The following MALRD1 variants were observed in gnomAD, a reference collection of about 807,000 sequenced individuals.
MALRD1 encodes MAM and LDL receptor class A domain containing 1.
A neutral mutation model predicts 242.1 loss-of-function variants in MALRD1; 247 were observed. The observed-to-expected ratio is 1.02, with a 90% CI of 0.92 to 1.13. MALRD1 has a LOEUF of 1.13. Ranked by LOEUF, MALRD1 falls within the 50% of genes most tolerant of loss-of-function variation. The pLI, the probability that MALRD1 is intolerant of heterozygous loss-of-function variation, is 0.00. For missense variants in MALRD1, 2,989 were observed against 2,533.1 expected (o/e 1.18, Z -3.86); for synonymous variants, 995 against 866.6 (o/e 1.15, Z -2.60).
intron 26 of MALRD1, among the ~76,000 whole-genome samples, chr10:19,364,049 G>A (rs916461408): frequency 1.3e-5 from 2 of 151,860 alleles, no homozygotes; most frequent in African/African-American, 2.4e-5. Context: ...ATTGTGAAGG[G>A]GCCAAAAAAG....
At chr10:19,143,254 CTTCT>C (rs1252023876) in intron 10 of MALRD1, among the ~76,000 whole-genome samples, 1 of 152,158 alleles carries the variant, frequency 6.6e-6, no homozygotes, top group Non-Finnish European at 1.5e-5. Flanking sequence ...ATCTTGAGAG[CTTCT>C]TTCTTTATGT....
chr10:19,542,783 A>G (rs1400700851), intron 32 of MALRD1, among the ~76,000 whole-genome samples: 1 of 152,176 alleles, frequency 6.6e-6, no homozygotes, highest in Non-Finnish European at 1.5e-5. Context: ...TAATTTGTCC[A>G]TGTAGGAAAA....
At chr10:19,527,353 A>G (rs767433476) in intron 31 of MALRD1, among the ~76,000 whole-genome samples, 16 of 152,306 alleles carry the variant, frequency 1.1e-4, no homozygotes, top group Non-Finnish European at 1.5e-4. Flanking sequence ...GAAAAGAAAT[A>G]TCTGAATTAG....
At chr10:19,252,960 G>A (rs1003950026) in intron 18 of MALRD1, among the ~76,000 whole-genome samples, 1 of 151,964 alleles carries the variant, frequency 6.6e-6, no homozygotes, top group African/African-American at 2.4e-5. Flanking sequence ...GGCCTAAAAA[G>A]TTTGGAATTC....
At chr10:19,713,710 G>A (rs1176501975) in intron 38 of MALRD1, among the ~76,000 whole-genome samples, 1 of 152,134 alleles carries the variant, frequency 6.6e-6, no homozygotes, top group African/African-American at 2.4e-5. Context: ...CAATCTAGTT[G>A]GAAAAATATT....
chr10:19,583,102 A>C (rs1837212737), intron 33 of MALRD1, among the ~76,000 whole-genome samples: 4 of 99,094 alleles, frequency 4.0e-5, no homozygotes, highest in African/African-American at 1.5e-4. Flanking sequence ...GAAGTTGCTT[A>C]TCAGCTTAAG....
At chr10:19,394,853 G>C (rs1441957210) in intron 28 of MALRD1, among the ~76,000 whole-genome samples, 1 of 152,014 alleles carries the variant, frequency 6.6e-6, no homozygotes, top group Non-Finnish European at 1.5e-5. Context: ...GTAGTAATCA[G>C]ACAGGTTTTC....
chr10:19,630,725 A>G (rs1839861708), intron 36 of MALRD1, among the ~76,000 whole-genome samples: 2 of 152,138 alleles, frequency 1.3e-5, no homozygotes, highest in Non-Finnish European at 2.9e-5. Context: ...CAAATTATGT[A>G]CATAAAAAGA....
intron 14 of MALRD1, among the ~76,000 whole-genome samples, chr10:19,194,887 T>C (rs1836165295): frequency 6.6e-6 from 1 of 152,204 alleles, no homozygotes; most frequent in African/African-American, 2.4e-5. Flanking sequence ...TCCTGATTTA[T>C]ACAGTAGTCC....
At chr10:19,087,312 C>G (rs904470732) in intron 2 of MALRD1, among the ~76,000 whole-genome samples, 5 of 151,822 alleles carry the variant, frequency 3.3e-5, no homozygotes, top group Non-Finnish European at 7.4e-5. Context: ...AATTGGGTTG[C>G]GAACTGTAGC....
At chr10:19,642,123 G>A (rs950330519) in intron 36 of MALRD1, among the ~76,000 whole-genome samples, 5 of 152,078 alleles carry the variant, frequency 3.3e-5, no homozygotes, top group Admixed American at 2.6e-4. Flanking sequence ...GTTTCAAAGG[G>A]TTATATCAGC....
chr10:19,614,560 G>A (rs983926656), intron 35 of MALRD1, among the ~76,000 whole-genome samples: 3 of 151,934 alleles, frequency 2.0e-5, no homozygotes, highest in Non-Finnish European at 2.9e-5. Flanking sequence ...CTGAATAGGG[G>A]AATTGACAGG....
At chr10:19,415,868 T>C (rs1449489539) in intron 28 of MALRD1, among the ~76,000 whole-genome samples, 1 of 152,224 alleles carries the variant, frequency 6.6e-6, no homozygotes, top group Non-Finnish European at 1.5e-5. Context: ...AGCCATCAGT[T>C]TTCTGTGTTG....
intron 2 of MALRD1, among the ~76,000 whole-genome samples, chr10:19,071,609 T>A (rs1835150554): frequency 1.3e-5 from 2 of 152,158 alleles, no homozygotes; most frequent in African/African-American, 4.8e-5. Flanking sequence ...AATCATTATG[T>A]TCATCACTGA....
At chr10:19,436,084 A>C (rs1479423874) in intron 28 of MALRD1, among the ~76,000 whole-genome samples, 1 of 152,012 alleles carries the variant, frequency 6.6e-6, no homozygotes, top group African/African-American at 2.4e-5. Context: ...TATTTATTTA[A>C]CCACTTTCTG....
intron 9 of MALRD1, among the ~76,000 whole-genome samples, chr10:19,135,392 T>C (rs1011131858): frequency 7.9e-5 from 12 of 152,158 alleles, no homozygotes; most frequent in African/African-American, 2.9e-4. Context: ...TGACCTCAAG[T>C]GATCCACCTC....
chr10:19,195,071 G>A (rs1836177916), intron 14 of MALRD1, among the ~76,000 whole-genome samples: 1 of 152,192 alleles, frequency 6.6e-6, no homozygotes, highest in African/African-American at 2.4e-5. Context: ...CTTTTGTCCA[G>A]TGTATTCAGG....
At chr10:19,689,564 T>G (rs569273381) in intron 36 of MALRD1, among the ~76,000 whole-genome samples, 1 of 152,254 alleles carries the variant, frequency 6.6e-6, no homozygotes, top group East Asian at 1.9e-4. Context: ...GAGTCAATTT[T>G]TAAAAGCAAA....
chr10:19,186,696 C>T (rs550147659), intron 14 of MALRD1, among the ~76,000 whole-genome samples: 3 of 151,750 alleles, frequency 2.0e-5, no homozygotes, highest in Non-Finnish European at 2.9e-5. Flanking sequence ...ACTTTGAGCT[C>T]GACTGGGATA....
Sources: gnomAD v4.1 joint callset for allele counts (sites outside exome capture counted in the v4.1 genomes callset) on GRCh38, gnomAD v4.1.1 for gene constraint, MANE v1.5 for transcripts, NCBI Gene and HGNC (gene_info 2026-07-23, HGNC 2026-07-21) for gene names.